The following RGS12 variants were observed in gnomAD, a reference collection of about 807,000 sequenced individuals.
The protein encoded by RGS12 is regulator of G-protein signaling 12.
In RGS12, 66 loss-of-function variants were observed where a neutral mutation model predicts 120.1. The observed-to-expected ratio is 0.55, with a 90% CI of 0.45 to 0.67. The LOEUF (loss-of-function observed/expected upper bound fraction) is 0.67. Ranked by LOEUF, RGS12 falls within the 30% of genes least tolerant of loss-of-function variation. The probability of loss-of-function intolerance (pLI) is 0.00; values close to 1 mark genes in which losing one functional copy is unlikely to be tolerated. For missense variants in RGS12, 1,859 were observed against 1,957.7 expected, an observed-to-expected ratio of 0.95 and a Z score of 0.95; for synonymous variants, 827 against 804.7, an observed-to-expected ratio of 1.03 and a Z score of -0.47.
chr4:3,376,568 G>C (rs887928278), intron 3 of RGS12, among the ~76,000 whole-genome samples: 1 of 152,244 alleles, frequency 6.6e-6, no homozygotes, highest in Non-Finnish European at 1.5e-5. Flanking sequence ...TCCACACACA[G>C]ACTTGCAGCT....
At position 3,416,036 on chromosome 4, in the gene RGS12, C is replaced by G. The variant is rs763344869; in HGVS notation, c.2342C>G (p.Pro781Arg). The G allele has an allele frequency of 6.2e-7, 1 of 1,613,964 alleles. No homozygotes were observed. The highest frequency in any genetic ancestry group is 8.5e-7 in the Non-Finnish European group (1 of 1,179,974). The change falls in exon 7 of 18, where the codon CCG (proline) becomes CGG (arginine). Residue 781 changes from proline (P) to arginine (R), a missense_variant. Transcript: ENST00000336727. ...TTTCTCTGCAGCAAAGCCACCACCCCGGTCAACATCGACAGCCAGGCCCAG... is the reference window on the plus strand; with the variant it reads ...TTTCTCTGCAGCAAAGCCACCACCCGGGTCAACATCGACAGCCAGGCCCAG... ...SKFLCSKATT[P>R]VNIDSQAQLA...
chr4:3,346,425 G>A (rs1210385807), intron 3 of RGS12, among the ~76,000 whole-genome samples: 2 of 152,208 alleles, frequency 1.3e-5, no homozygotes, highest in Admixed American at 6.5e-5. Flanking sequence ...GCTGCCCACA[G>A]CATGAAGCTG....
chr4:3,399,251 G>A (rs1049548442), intron 4 of RGS12, among the ~76,000 whole-genome samples: 2 of 152,090 alleles, frequency 1.3e-5, no homozygotes, highest in African/African-American at 4.8e-5. Context: ...TGCAAATTAA[G>A]GAAATGAAGA....
chr4:3,428,232 G>C, intron 15 of RGS12, 63 bp downstream of exon 15: 1 of 1,416,954 alleles, frequency 7.1e-7, no homozygotes, highest in Non-Finnish European at 1.0e-6. Context: ...CGCCTGCCCT[G>C]CGCAGTGCCC....
At position 3,365,636 on chromosome 4, in the gene RGS12, C is replaced by A. The variant is rs561328529; in HGVS notation, c.1999-20780C>A. ...GGCCTCCCACTCACCTCTGGGACGA[C>A]GTGCCGCACGTCACATTGTGTAGGA... On this transcript the variant is annotated intron_variant, in intron 3 of 17. Transcript: ENST00000336727. The surrounding 1 kb of genome is among the most constrained non-coding windows in gnomAD (Gnocchi z 4.0). 1.3e-5 allele frequency among the ~76,000 whole-genome samples: 2 copies of A among 152,170 alleles called. No homozygotes were observed. The highest frequency in any genetic ancestry group is 2.9e-5 in the Non-Finnish European group (2 of 68,036).
chr4:3,427,731 G>A (rs1723803159), intron 14 of RGS12, among the ~76,000 whole-genome samples: 1 of 151,850 alleles, frequency 6.6e-6, no homozygotes, highest in East Asian at 1.9e-4. Flanking sequence ...GTGAGACTCT[G>A]TCTCAAAAAA....
intron 2 of RGS12, among the ~76,000 whole-genome samples, chr4:3,333,239 C>T (rs188328949): frequency 9.7e-4 from 147 of 152,178 alleles, no homozygotes; most frequent in African/African-American, 3.4e-3. Flanking sequence ...TTAGTAGAGA[C>T]GGGGTTTCAC....
intron 3 of RGS12, among the ~76,000 whole-genome samples, chr4:3,373,188 A>G (rs928397182): frequency 6.6e-6 from 1 of 152,232 alleles, no homozygotes; most frequent in African/African-American, 2.4e-5. Flanking sequence ...GACACGCAGC[A>G]GTCACTCTGG....
chr4:3,320,853 C>T (rs1395359084), intron 2 of RGS12, among the ~76,000 whole-genome samples: 2 of 152,130 alleles, frequency 1.3e-5, no homozygotes, highest in Non-Finnish European at 2.9e-5. Flanking sequence ...CCGTCCGCAG[C>T]GATCAGGGCC....
In RGS12 at chr4:3,422,864, C is replaced by T. The variant is rs1452527769; in HGVS notation, c.3034-41C>T. On this transcript the variant is annotated intron_variant, in intron 11 of 17. Coordinates refer to ENST00000336727, the MANE Select transcript of RGS12 (RefSeq NM_001394154.1). Reference sequence around the variant, plus strand: ...ACGTGGGTCTGCGTTTGGGGGGCTGCCTGCTGTGCCCACGTTGATTCTGGT... The same window carrying T: ...ACGTGGGTCTGCGTTTGGGGGGCTGTCTGCTGTGCCCACGTTGATTCTGGT... The T allele has an allele frequency of 2.6e-6, 4 of 1,566,040 alleles. No homozygotes were observed. In the African/African-American group the frequency reaches 5.4e-5, roughly 21 times the overall value.
chr4:3,324,390 G>A (rs907105296), intron 2 of RGS12: 4 of 209,550 alleles, frequency 1.9e-5, no homozygotes, highest in South Asian at 6.7e-5. Context: ...TCTCTTAGTG[G>A]GGATGTCCCC....
At chr4:3,383,770 G>A (rs764986828) in intron 3 of RGS12, among the ~76,000 whole-genome samples, 71 of 152,232 alleles carry the variant, frequency 4.7e-4, no homozygotes, top group Middle Eastern at 3.4e-3. Flanking sequence ...CTACGTGCCC[G>A]CAGCCTGTGC....
intron 3 of RGS12, among the ~76,000 whole-genome samples, chr4:3,383,570 G>A (rs1205527592): frequency 6.6e-6 from 1 of 151,630 alleles, no homozygotes; most frequent in Non-Finnish European, 1.5e-5. Flanking sequence ...TTATGCCACT[G>A]TACTCTATCC....
At chr4:3,392,517 C>T (rs1719607217) in intron 4 of RGS12, among the ~76,000 whole-genome samples, 1 of 152,162 alleles carries the variant, frequency 6.6e-6, no homozygotes, top group African/African-American at 2.4e-5. Context: ...GTTTCTCTTG[C>T]TCTATCCTGC....
At chr4:3,428,829 C>A in intron 16 of RGS12, 118 bp downstream of exon 16, 1 of 868,922 alleles carries the variant, frequency 1.2e-6, no homozygotes. Flanking sequence ...GTCCCTGTGG[C>A]CTGGAAGACA....
At chr4:3,287,575 C>A in the RGS12 span, among the ~76,000 whole-genome samples, 1 of 152,236 alleles carries the variant, frequency 6.6e-6, no homozygotes, top group Non-Finnish European at 1.5e-5. Context: ...GCCCTGGCGG[C>A]CCGAGGAAGT....
intron 3 of RGS12, among the ~76,000 whole-genome samples, chr4:3,378,998 A>G (rs1717975483): frequency 7.2e-6 from 1 of 138,256 alleles, no homozygotes; most frequent in Non-Finnish European, 1.6e-5. Context: ...GATAAAGGAA[A>G]TGTGCGATGT....
intron 2 of RGS12, among the ~76,000 whole-genome samples, chr4:3,319,164 C>T (rs1055952725): frequency 2.0e-5 from 3 of 152,292 alleles, no homozygotes; most frequent in Non-Finnish European, 4.4e-5. Context: ...CCGTGGCACA[C>T]GCCTGTAACT....
chr4:3,431,142 A>T lies in RGS12; in HGVS notation c.4114+187A>T, dbSNP rs549643732. Reference sequence around the variant, plus strand: ...GGAGGGGCTCGTGTGGCCCCAGGCCAGTGTCTGTCAGGATGGTCCCCCCGA... The same window carrying T: ...GGAGGGGCTCGTGTGGCCCCAGGCCTGTGTCTGTCAGGATGGTCCCCCCGA... On this transcript the variant is annotated intron_variant, in intron 17 of 17. Coordinates refer to ENST00000336727, the MANE Select transcript of RGS12 (RefSeq NM_001394154.1). The T allele has an allele frequency of 3.0e-5, 43 of 1,426,140 alleles. 1 individual carries two copies. In the South Asian group the frequency reaches 6.5e-4, roughly 22 times the overall value. The allele number at this position is 1,426,140 out of a possible 1,614,324, so 88.3% of individuals were successfully genotyped here. A position where few individuals can be genotyped will look rare whatever the true frequency, so the allele number is the denominator to read the frequency against.
Sources: gnomAD v4.1 joint callset for allele counts (sites outside exome capture counted in the v4.1 genomes callset) on GRCh38, gnomAD v4.1.1 for gene constraint, Gnocchi (gnomAD v3.1) non-coding constraint, MANE v1.5 for transcripts, NCBI Gene and HGNC (gene_info 2026-07-23, HGNC 2026-07-21) for gene names.